Variants in SUCLA2 observed in about 807,000 individuals in gnomAD.
SUCLA2 encodes succinate-CoA ligase ADP-forming subunit beta, also known as succinate--CoA ligase [ADP-forming] subunit beta, mitochondrial.
Under a neutral mutation model 54.8 loss-of-function variants are expected in SUCLA2, and 30 were observed. The observed-to-expected ratio is 0.55, with a 90% CI of 0.41 to 0.74. The LOEUF (loss-of-function observed/expected upper bound fraction) is 0.74. Among genes scored for constraint, SUCLA2 ranks in the 30% least tolerant of loss-of-function variants. SUCLA2 has a pLI of 0.00. For synonymous variants in SUCLA2, 172 were observed against 188.9 expected (o/e 0.91, Z 0.74); for missense variants, 476 against 562.9 (o/e 0.85, Z 1.56).
Position 47,954,179 on chromosome 13 carries a change from T to G in SUCLA2, c.1068A>C (p.Gln356His). 6.2e-7 allele frequency: 1 copy of G among 1,613,822 alleles called. No individual in the cohort carries two copies. The highest frequency in any genetic ancestry group is 8.5e-7 in the Non-Finnish European group (1 of 1,179,784). ...LDVGGGATVH[Q>H]VTEAFKLITS... ...TGATAAGCTTAAATGCTTCTGTTAC[T>G]TGATGGACTGTAGCACCACCACCAA... Residue 356 changes from glutamine (Q) to histidine (H), a missense_variant, in exon 8 of 11, where the codon CAA (glutamine) becomes CAC (histidine). Physicochemically the swap from Gln to His is conservative, Grantham distance 24. Coordinates refer to ENST00000646932, the MANE Select transcript of SUCLA2 (RefSeq NM_003850.3).
intron 4 of SUCLA2, among the ~76,000 whole-genome samples, chr13:47,973,594 T>TA (rs1320405163): frequency 4.0e-5 from 6 of 151,890 alleles, no homozygotes; most frequent in South Asian, 2.1e-4. Context: ...GATAAAAAAG[T>TA]AAAAAAAGAA....
chr13:47,944,787 C>G (rs1287228791), intron 10 of SUCLA2, among the ~76,000 whole-genome samples: 1 of 152,142 alleles, frequency 6.6e-6, no homozygotes, highest in Non-Finnish European at 1.5e-5. Context: ...GGACATAAGA[C>G]TTTTATTATT....
rs565525700 is a variant in SUCLA2 at position 47,980,732 on chromosome 13, A to T, written c.535-7340T>A. ...TTATCAAAACAGCATGATAATGCAT[A>T]AAAAAACAGACATATAGACCAATGG... On this transcript the variant is annotated intron_variant, in intron 4 of 10. Coordinates refer to ENST00000646932, the MANE Select transcript of SUCLA2 (RefSeq NM_003850.3). 4.1e-3 allele frequency among the ~76,000 whole-genome samples: 619 copies of T among 152,260 alleles called. 2 individuals are homozygous for T. Among genetic ancestry groups the T allele is most frequent in the African/African-American group, 0.013 (550 of 41,564 alleles).
At chr13:47,996,157 A>T (rs1402195877) in intron 2 of SUCLA2, among the ~76,000 whole-genome samples, 1 of 151,992 alleles carries the variant, frequency 6.6e-6, no homozygotes, top group Admixed American at 6.6e-5. Context: ...ACCCGTCTCT[A>T]CTAAAAATAC....
intron 6 of SUCLA2, among the ~76,000 whole-genome samples, chr13:47,954,820 A>T (rs1168978234): frequency 2.0e-5 from 3 of 152,312 alleles, no homozygotes; most frequent in East Asian, 3.9e-4. Context: ...AAAATATTTT[A>T]AATTATTTAA....
At chr13:47,947,518 A>T (rs1053503187) in intron 10 of SUCLA2, among the ~76,000 whole-genome samples, 2 of 152,218 alleles carry the variant, frequency 1.3e-5, no homozygotes, top group Non-Finnish European at 2.9e-5. Flanking sequence ...TACATATAAT[A>T]AGTGAAGAAT....
At chr13:47,953,908 A>G (rs538634076) in intron 8 of SUCLA2, among the ~76,000 whole-genome samples, 1 of 152,246 alleles carries the variant, frequency 6.6e-6, no homozygotes, top group East Asian at 1.9e-4. Context: ...ATAGTTCTAA[A>G]TTATGGCACA....
At chr13:47,959,818 T>G (rs546751615) in intron 6 of SUCLA2, among the ~76,000 whole-genome samples, 1 of 152,164 alleles carries the variant, frequency 6.6e-6, no homozygotes, top group Non-Finnish European at 1.5e-5. Context: ...TAAGAAATAC[T>G]GTAAAGAAAT....
intron 1 of SUCLA2, among the ~76,000 whole-genome samples, chr13:47,998,769 T>C (rs533665477): frequency 6.6e-6 from 1 of 152,276 alleles, no homozygotes; most frequent in South Asian, 2.1e-4. Flanking sequence ...AGAGAGGACA[T>C]GAGAGCCTTC....
intron 8 of SUCLA2, among the ~76,000 whole-genome samples, chr13:47,952,484 T>C (rs1179935092): frequency 1.3e-5 from 2 of 152,054 alleles, no homozygotes; most frequent in African/African-American, 2.4e-5. Context: ...CATTCTGAAA[T>C]ACCTATTCCT....
intron 8 of SUCLA2, among the ~76,000 whole-genome samples, chr13:47,952,340 T>A (rs1949782764): frequency 6.6e-6 from 1 of 152,154 alleles, no homozygotes; most frequent in African/African-American, 2.4e-5. Context: ...GGTTCCATTC[T>A]TGGTTCCTCA....
In SUCLA2 at chr13:47,993,176, G is replaced by A. The variant is rs537822733; in HGVS notation, c.271+3667C>T. ...GAGCCCAGGAGGTCGAAGCTGCAAT[G>A]AGCCATGATCACACCACTGCACTCC... On this transcript the variant is annotated intron_variant, in intron 2 of 10. Coordinates refer to ENST00000646932, the MANE Select transcript of SUCLA2 (RefSeq NM_003850.3). Among the ~76,000 whole-genome samples, 8 of 152,326 alleles carry A rather than the reference G, an allele frequency of 5.3e-5. No individual in the cohort carries two copies. The South Asian group carries it at 1.2e-3, about 24-fold the overall frequency.
intron 6 of SUCLA2, among the ~76,000 whole-genome samples, chr13:47,963,423 C>G (rs1377846174): frequency 1.3e-5 from 2 of 152,146 alleles, no homozygotes; most frequent in African/African-American, 4.8e-5. Context: ...GCAGGCGGAT[C>G]ACCTGAGGTC....
At chr13:47,946,468 T>G (rs1427064903) in intron 10 of SUCLA2, among the ~76,000 whole-genome samples, 5 of 151,988 alleles carry the variant, frequency 3.3e-5, no homozygotes, top group Non-Finnish European at 7.4e-5. Flanking sequence ...GGTTGCCTGT[T>G]GGGGAAGAAG....
At chr13:48,001,054 G>A (rs549795998) in intron 1 of SUCLA2, 126 bp downstream of exon 1, 4 of 1,512,330 alleles carry the variant, frequency 2.6e-6, no homozygotes, top group African/African-American at 2.8e-5. Context: ...GTCGCCCGAG[G>A]GCCTTGCAGG....
At chr13:47,970,537 T>C (rs889562685) in intron 5 of SUCLA2, among the ~76,000 whole-genome samples, 3 of 152,184 alleles carry the variant, frequency 2.0e-5, no homozygotes, top group African/African-American at 7.2e-5. Flanking sequence ...ATCAGAAACA[T>C]TTATCTCCTT....
chr13:47,967,847 TCAA>T (rs1949932001), intron 6 of SUCLA2, among the ~76,000 whole-genome samples: 1 of 23,204 alleles, frequency 4.3e-5, no homozygotes, highest in African/African-American at 1.8e-4. Context: ...AGACTCAGTC[TCAA>T]AAAAAAAAAA....
Position 47,954,258 on chromosome 13 carries a change from G to A in SUCLA2, c.989C>T (p.Ala330Val), listed in dbSNP as rs1406645366. The change falls in exon 8 of 11, where the codon GCC (alanine) becomes GTC (valine). Residue 330 changes from alanine (A) to valine (V), a missense_variant. This residue lies in a region of SUCLA2 where 342 missense variants were observed against 444.2 expected (regional missense o/e 0.77). Transcript: ENST00000646932. ...CLVNGAGLAMATMDIIKLHGG... is the reference protein window; with the variant it reads ...CLVNGAGLAMVTMDIIKLHGG... ...ATGAAGTTTTATTATATCCATTGTG[G>A]CCATAGCCAAACCAGCACCATTTAC... The A allele has an allele frequency of 1.2e-6, 2 of 1,613,746 alleles. No individual in the cohort carries two copies. The highest frequency in any genetic ancestry group is 2.2e-5 in the East Asian group (1 of 44,876).
intron 6 of SUCLA2, among the ~76,000 whole-genome samples, chr13:47,966,122 T>C (rs1048750477): frequency 3.9e-5 from 6 of 152,160 alleles, no homozygotes; most frequent in African/African-American, 4.8e-5. Context: ...TGGTTCCAAA[T>C]ATATTTGTAT....
Sources: allele counts gnomAD v4.1 joint callset (sites outside exome capture counted in the v4.1 genomes callset), GRCh38; gene constraint gnomAD v4.1.1; regional missense constraint gnomAD v4.1.1; transcripts MANE v1.5; gene names NCBI Gene and HGNC (gene_info 2026-07-23, HGNC 2026-07-21).